Variants in TBC1D4 observed in about 807,000 individuals in gnomAD.
The protein encoded by TBC1D4 is TBC (Tre-2, BUB2, CDC16) domain-containing protein.
In TBC1D4, 121 loss-of-function variants were observed where a neutral mutation model predicts 142.5. The observed-to-expected ratio is 0.85, with a 90% CI of 0.73 to 0.99. The LOEUF (loss-of-function observed/expected upper bound fraction) is 0.99. Ranked by LOEUF, TBC1D4 falls within the 50% of genes least tolerant of loss-of-function variation. The pLI is 0.00. For synonymous variants in TBC1D4, 630 were observed against 628.2 expected (o/e 1.00, Z -0.04); for missense variants, 1,475 against 1,606.6 (o/e 0.92, Z 1.40).
intron 16 of TBC1D4, 138 bp downstream of exon 16, chr13:75,302,105 G>A: frequency 9.6e-7 from 1 of 1,043,664 alleles, no homozygotes; most frequent in East Asian, 2.5e-5. Context: ...CTTGCCCTCA[G>A]TAAAGGACAA....
intron 8 of TBC1D4, among the ~76,000 whole-genome samples, chr13:75,334,903 A>T (rs966506175): frequency 2.0e-5 from 3 of 152,012 alleles, no homozygotes; most frequent in African/African-American, 7.3e-5. Flanking sequence ...TCATATTAGT[A>T]ATTTCTTCCT....
chr13:75,475,841 G>A (rs1295474618), intron 1 of TBC1D4, among the ~76,000 whole-genome samples: 1 of 152,166 alleles, frequency 6.6e-6, no homozygotes, highest in East Asian at 1.9e-4. Flanking sequence ...CAACATACTT[G>A]GGAACAGAAG....
In TBC1D4 at chr13:75,481,371, T is replaced by A; in HGVS notation, c.397A>T (p.Ser133Cys). 6.2e-7 allele frequency: 1 copy of A among 1,613,896 alleles called. No homozygotes were observed. Among genetic ancestry groups the A allele is most frequent in the Non-Finnish European group, 8.5e-7 (1 of 1,179,852 alleles). Residue 133 changes from serine to cysteine, a missense_variant, in exon 1 of 21, where the codon AGC (serine) becomes TGC (cysteine). Physicochemically the swap from Ser to Cys is moderately radical, Grantham distance 112. Coordinates refer to ENST00000377636, the MANE Select transcript of TBC1D4 (RefSeq NM_014832.5). ...TAGGCAAAGTAGGTGAGGTCGTGGC[T>A]GTTGTGGATGAAGCGCGAGATATGC... is the stretch of plus-strand genomic sequence containing the variant. ...AQHISRFIHN[S>C]HDLTYFAYLI...
intron 13 of TBC1D4, among the ~76,000 whole-genome samples, chr13:75,310,548 C>T (rs947304873): frequency 1.3e-5 from 2 of 152,198 alleles, no homozygotes; most frequent in South Asian, 2.1e-4. Flanking sequence ...CATCAGAATC[C>T]GTCAGGAGCA....
At chr13:75,411,119 T>C (rs1231606185) in intron 1 of TBC1D4, among the ~76,000 whole-genome samples, 2 of 152,060 alleles carry the variant, frequency 1.3e-5, no homozygotes, top group Non-Finnish European at 2.9e-5. Flanking sequence ...AACAAATGGT[T>C]TAAACGCTCT....
chr13:75,350,576 T>C (rs2138120622), intron 4 of TBC1D4, among the ~76,000 whole-genome samples: 1 of 152,318 alleles, frequency 6.6e-6, no homozygotes, highest in South Asian at 2.1e-4. Flanking sequence ...ACATGTTTAA[T>C]ACCTTTGCAT....
intron 1 of TBC1D4, among the ~76,000 whole-genome samples, chr13:75,452,488 A>G (rs576433767): frequency 5.3e-4 from 81 of 152,370 alleles, no homozygotes; most frequent in African/African-American, 1.9e-3. Flanking sequence ...ATGTGGGAAT[A>G]TAACTTGAAA....
intron 4 of TBC1D4, among the ~76,000 whole-genome samples, chr13:75,351,209 C>A (rs1881557886): frequency 6.6e-6 from 1 of 152,110 alleles, no homozygotes; most frequent in Non-Finnish European, 1.5e-5. Flanking sequence ...GCAGACGATG[C>A]TCATAAACAT....
Position 75,292,187 on chromosome 13 carries a change from C to T in TBC1D4, c.3401G>A (p.Cys1134Tyr). ...LSSQETLIME[C>Y]ESFENIVEFL... is the part of the protein sequence containing the mutation. Reference sequence around the variant, plus strand: ...CTCAACAATATTTTCAAAGCTCTCACATTCCATTATAAGTGTCTCTTGGCT... The same window carrying T: ...CTCAACAATATTTTCAAAGCTCTCATATTCCATTATAAGTGTCTCTTGGCT... The change falls in exon 19 of 21, where the codon TGT becomes TAT. Residue 1134 changes from cysteine to tyrosine, a missense_variant. Around this residue, in one of 2 missense-constraint regions of TBC1D4, gnomAD observed 248 missense variants for 338.9 expected, o/e 0.73. Transcript: ENST00000377636. 1 of 1,613,506 alleles carries T rather than the reference C, an allele frequency of 6.2e-7. No individual in the cohort carries two copies. The highest frequency in any genetic ancestry group is 1.1e-5 in the South Asian group (1 of 91,062).
At chr13:75,365,713 C>G (rs1246873621) in intron 1 of TBC1D4, among the ~76,000 whole-genome samples, 2 of 152,122 alleles carry the variant, frequency 1.3e-5, no homozygotes, top group African/African-American at 4.8e-5. Flanking sequence ...ATATCTCTTT[C>G]TCCTGTACCA....
At position 75,341,478 on chromosome 13, in the gene TBC1D4, A is replaced by G. The variant is rs1489784701; in HGVS notation, c.1500+18T>C. ...TCATTCCTTATGTCTTATTTATGAG[A>G]CCTACAAATAATGTTACCTGAACTC... On this transcript the variant is annotated intron_variant, in intron 6 of 20. Coordinates refer to ENST00000377636, the MANE Select transcript of TBC1D4 (RefSeq NM_014832.5). 5.0e-6 allele frequency: 8 copies of G among 1,605,688 alleles called. No homozygotes were observed. The highest frequency in any genetic ancestry group is 6.8e-6 in the Non-Finnish European group (8 of 1,172,484).
At chr13:75,458,437 G>T (rs1035456668) in intron 1 of TBC1D4, among the ~76,000 whole-genome samples, 2 of 152,198 alleles carry the variant, frequency 1.3e-5, no homozygotes, top group African/African-American at 2.4e-5. Flanking sequence ...CTCGAGGTAG[G>T]GATGTGGCAA....
intron 8 of TBC1D4, among the ~76,000 whole-genome samples, chr13:75,328,937 C>G (rs756402736): frequency 2.0e-5 from 3 of 152,116 alleles, no homozygotes; most frequent in Non-Finnish European, 4.4e-5. Context: ...CTCTTGCACT[C>G]TGAATCCCAC....
At chr13:75,467,267 A>G (rs1234421052) in intron 1 of TBC1D4, among the ~76,000 whole-genome samples, 1 of 152,220 alleles carries the variant, frequency 6.6e-6, no homozygotes, top group Non-Finnish European at 1.5e-5. Flanking sequence ...CTATTTTCAT[A>G]TTTGCCTTTT....
At chr13:75,322,603 CCT>C (rs1362795394) in intron 11 of TBC1D4, among the ~76,000 whole-genome samples, 2 of 152,168 alleles carry the variant, frequency 1.3e-5, no homozygotes, top group Non-Finnish European at 2.9e-5. Context: ...TTACAGCTAA[CCT>C]TTGATCTTAA....
rs531125687 is a variant in TBC1D4, at chr13:75,446,528, T to C, written c.498+34742A>G. ...AATCAACATGTGTTAACGTAGTTTTTATTCAACATTAGGTTTGACACTTAA... is the reference window on the plus strand; with the variant it reads ...AATCAACATGTGTTAACGTAGTTTTCATTCAACATTAGGTTTGACACTTAA... On this transcript the variant is annotated intron_variant, in intron 1 of 20. Coordinates refer to ENST00000377636, the MANE Select transcript of TBC1D4 (RefSeq NM_014832.5). Among the ~76,000 whole-genome samples the C allele has an allele frequency of 2.2e-4, 34 of 152,354 alleles. 1 individual carries two copies. Among genetic ancestry groups the C allele is most frequent in the Admixed American group, 1.8e-3 (27 of 15,294 alleles).
Position 75,356,251 on chromosome 13 carries a change from C to A in TBC1D4, c.1171G>T (p.Gly391Cys). ...CCAAAGTGATCCACATGCTTTATAC[C>A]CTAGATGGAGGGGAAGAAGTGCAAT... ...NFKDISSCSQ[G>C]IKHVDHFGFI... The change falls in exon 4 of 21, where the codon GGT becomes TGT. Residue 391 changes from glycine (G) to cysteine (C), a missense_variant and splice_region_variant. Physicochemically the swap from Gly to Cys is radical, Grantham distance 159 (BLOSUM62 -3). Transcript: ENST00000377636. 3.1e-6 allele frequency: 5 copies of A among 1,607,074 alleles called. No individual in the cohort carries two copies. Among genetic ancestry groups the A allele is most frequent in the Non-Finnish European group, 4.3e-6 (5 of 1,173,914 alleles).
chr13:75,325,875 T>C (rs953027728), intron 10 of TBC1D4, among the ~76,000 whole-genome samples: 15 of 152,328 alleles, frequency 9.8e-5, no homozygotes, highest in Middle Eastern at 3.4e-3. Flanking sequence ...ACTTTGTTTC[T>C]CTAGAATCAT....
At chr13:75,441,518 C>A (rs148820582) in intron 1 of TBC1D4, among the ~76,000 whole-genome samples, 1 of 152,094 alleles carries the variant, frequency 6.6e-6, no homozygotes, top group Admixed American at 6.5e-5. Flanking sequence ...CAAATAGTTT[C>A]CCCCCTTGAG....
Sources: allele counts gnomAD v4.1 joint callset (sites outside exome capture counted in the v4.1 genomes callset), GRCh38; gene constraint gnomAD v4.1.1; regional missense constraint gnomAD v4.1.1; transcripts MANE v1.5; gene names NCBI Gene and HGNC (gene_info 2026-07-23, HGNC 2026-07-21).